PCDHGB2: variants seen among roughly 807,000 people sequenced by gnomAD.
The protein encoded by PCDHGB2 is protocadherin gamma subfamily B, 2.
A neutral mutation model predicts 59.3 loss-of-function variants in PCDHGB2; 55 were observed. The observed-to-expected ratio is 0.93, with a 90% confidence interval of 0.75 to 1.16. The LOEUF (loss-of-function observed/expected upper bound fraction) is 1.16, where lower values mean the gene tolerates loss of function less well. Among genes scored for constraint, PCDHGB2 ranks in the 50% most tolerant of loss-of-function variants. The pLI is 0.00. For synonymous variants in PCDHGB2, 516 were observed against 512.0 expected, an observed-to-expected ratio of 1.01 and a Z score of -0.11; for missense variants, 1,228 against 1,198.5, an observed-to-expected ratio of 1.02 and a Z score of -0.36.
At chr5:141,418,944 C>T in intron 1 of PCDHGB2, 1 of 1,614,026 alleles carries the variant, frequency 6.2e-7, no homozygotes, top group Non-Finnish European at 8.5e-7. Context: ...GATTCCCCTC[C>T]AGGAGTGGTT....
In PCDHGB2 at chr5:141,362,004, G is replaced by T; in HGVS notation, c.1869G>T (p.Thr623=). ...GGCTCTTCAGCCTGGGGTTGCGCAC[G>T]GGTGAGGTGCGCACAGCGCGTGCCT... ...EPGLFSLGLR[T]GEVRTARALG... is the part of the protein sequence containing the mutation. Residue 623 remains threonine, a synonymous_variant, in exon 1 of 4, where the codon ACG becomes ACT. Coordinates refer to ENST00000522605, the MANE Select transcript of PCDHGB2 (RefSeq NM_018923.3). 1 of 1,604,470 alleles carries T rather than the reference G, an allele frequency of 6.2e-7. No individual in the cohort carries two copies. The highest frequency in any genetic ancestry group is 1.1e-5 in the South Asian group (1 of 90,796).
Position 141,360,265 on chromosome 5 carries a change from A to C in PCDHGB2, c.130A>C (p.Asn44His). 1 of 1,613,874 alleles carries C rather than the reference A, an allele frequency of 6.2e-7. No individual in the cohort carries two copies. The highest frequency in any genetic ancestry group is 8.5e-7 in the Non-Finnish European group (1 of 1,179,868). ...RYSIPEELAK[N>H]SVVGNLAKDL... ...TTCAATTCCAGAGGAGCTGGCCAAA[A>C]ACTCGGTCGTAGGAAACCTCGCCAA... The change falls in exon 1 of 4, where the codon AAC becomes CAC. Residue 44 changes from asparagine to histidine, a missense_variant. Asn to His is a moderately conservative substitution (Grantham distance 68). Around this residue, in one of 3 missense-constraint regions of PCDHGB2, gnomAD observed 781 missense variants for 721.6 expected, o/e 1.08. Transcript: ENST00000522605.
At chr5:141,446,098 A>G (rs375135134) in intron 1 of PCDHGB2, among the ~76,000 whole-genome samples, 2 of 152,350 alleles carry the variant, frequency 1.3e-5, no homozygotes, top group African/African-American at 4.8e-5. Flanking sequence ...TGGATGAATT[A>G]TAGATATATT....
rs775270875 is a variant in PCDHGB2 at position 141,410,577 on chromosome 5, A to G, written c.2421+48021A>G. ...TCTCCTGGAGCCTTAATTCCACCTCATGGTGGGGAGGATTTGACTTCACAT... is the reference window on the plus strand; with the variant it reads ...TCTCCTGGAGCCTTAATTCCACCTCGTGGTGGGGAGGATTTGACTTCACAT... On this transcript the variant is annotated intron_variant, in intron 1 of 3. Coordinates refer to ENST00000522605, the MANE Select transcript of PCDHGB2 (RefSeq NM_018923.3). 4 of 1,610,116 alleles carry G rather than the reference A, an allele frequency of 2.5e-6. No homozygotes were observed. In the Admixed American group the frequency reaches 5.0e-5, roughly 20 times the overall value.
At chr5:141,430,818 T>G (rs1240970813) in intron 1 of PCDHGB2, 2 of 1,540,582 alleles carry the variant, frequency 1.3e-6, no homozygotes, top group Non-Finnish European at 1.7e-6. Flanking sequence ...GGAATCCTCC[T>G]GGGGACTCTG....
intron 1 of PCDHGB2, chr5:141,442,107 C>A: frequency 6.0e-6 from 1 of 166,198 alleles, no homozygotes; most frequent in Non-Finnish European, 1.3e-5. Flanking sequence ...CCACCACTAC[C>A]GCCCCTCGTC....
chr5:141,402,098 C>G (rs2094224797), intron 1 of PCDHGB2, among the ~76,000 whole-genome samples: 1 of 152,048 alleles, frequency 6.6e-6, no homozygotes, highest in Non-Finnish European at 1.5e-5. Context: ...AAAGTTTAAG[C>G]AATTACAAAA....
chr5:141,361,426 C>T lies in PCDHGB2; in HGVS notation c.1291C>T (p.Pro431Ser), dbSNP rs763880650. 8.7e-6 allele frequency: 14 copies of T among 1,614,034 alleles called. No individual in the cohort carries two copies. The Admixed American group carries it at 2.3e-4, about 27-fold the overall frequency. The stretch of plus-strand genomic sequence containing the variant: ...CACAGCCACCGACGGGGGCAAGCCG[C>T]CCCTCTCCTCCAGCATAATTGTCAC... ...TITATDGGKP[P>S]LSSSIIVTLH... Residue 431 changes from proline (P) to serine (S), a missense_variant, in exon 1 of 4, where the codon CCC becomes TCC. Pro to Ser is a moderately conservative substitution (Grantham distance 74, BLOSUM62 -1). Around this residue, in one of 3 missense-constraint regions of PCDHGB2, gnomAD observed 781 missense variants for 721.6 expected, o/e 1.08. Transcript: ENST00000522605.
At chr5:141,509,106 A>T (rs1159119530) in intron 3 of PCDHGB2, among the ~76,000 whole-genome samples, 1 of 152,102 alleles carries the variant, frequency 6.6e-6, no homozygotes, top group Non-Finnish European at 1.5e-5. Flanking sequence ...TAGAAACCTG[A>T]GCGCTGGTGC....
chr5:141,372,816 T>C lies in PCDHGB2; in HGVS notation c.2421+10260T>C, dbSNP rs1480093678. The C allele has an allele frequency of 3.2e-6, 5 of 1,580,556 alleles. No homozygotes were observed. In the Admixed American group the frequency reaches 9.1e-5, roughly 29 times the overall value. On this transcript the variant is annotated intron_variant, in intron 1 of 3. Transcript: ENST00000522605. ...TTCAGGCAATTTGCAAAAGGTGAGTTTCTTCAAACCTTTCCTTCCATAAAT... is the reference window on the plus strand; with the variant it reads ...TTCAGGCAATTTGCAAAAGGTGAGTCTCTTCAAACCTTTCCTTCCATAAAT...
In PCDHGB2 at chr5:141,477,247, T is replaced by C; in HGVS notation, c.2422-17560T>C. On this transcript the variant is annotated intron_variant, in intron 1 of 3. Transcript: ENST00000522605. This position sits in a 1 kb window ranked among gnomAD's most constrained non-coding sequence, Gnocchi z 4.9. ...CTGTCATCGCTTTGCTCAGTGTGAC[T>C]GACCTGGATGCTGGCGAGAACGGGC... The C allele has an allele frequency of 6.2e-7, 1 of 1,614,208 alleles. No individual in the cohort carries two copies. Among genetic ancestry groups the C allele is most frequent in the Non-Finnish European group, 8.5e-7 (1 of 1,180,040 alleles).
chr5:141,497,730 G>T (rs13182286), intron 2 of PCDHGB2, among the ~76,000 whole-genome samples: 247 of 152,136 alleles, frequency 1.6e-3, no homozygotes, highest in Non-Finnish European at 2.8e-3. Flanking sequence ...AGTAGAGATG[G>T]GTTTCGCCAC....
chr5:141,403,875 A>G (rs1311532081), intron 1 of PCDHGB2: 1 of 1,613,816 alleles, frequency 6.2e-7, no homozygotes, highest in South Asian at 1.1e-5. Context: ...AAAAGTCTAG[A>G]TTATGAAGAA....
intron 1 of PCDHGB2, chr5:141,388,812 G>C (rs775037681): frequency 6.2e-7 from 1 of 1,613,934 alleles, no homozygotes. Flanking sequence ...TTTTGAAGAA[G>C]TCAAAGAATA....
In PCDHGB2 at chr5:141,409,316, C is replaced by T. The variant is rs114361948; in HGVS notation, c.2421+46760C>T. 56 of 1,613,968 alleles carry T rather than the reference C, an allele frequency of 3.5e-5. No individual in the cohort carries two copies. The African/African-American group carries it at 6.5e-4, about 19-fold the overall frequency. On this transcript the variant is annotated intron_variant, in intron 1 of 3. Transcript: ENST00000522605. ...AATGGTTGTTGCCCTCTTCAAAACA[C>T]GGGATCTGGATTTCGGAGGAAATGG...
chr5:141,447,650 TC>T (rs1036312126), intron 1 of PCDHGB2, among the ~76,000 whole-genome samples: 1 of 151,988 alleles, frequency 6.6e-6, no homozygotes, highest in Non-Finnish European at 1.5e-5. Context: ...GGTAGAATTT[TC>T]CCCCCCAGGA....
intron 1 of PCDHGB2, chr5:141,413,905 C>G: frequency 6.2e-7 from 1 of 1,613,338 alleles, no homozygotes; most frequent in Non-Finnish European, 8.5e-7. Context: ...TGACAACGCG[C>G]CGGTCTTCAC....
At chr5:141,443,029 C>T (rs1281303741) in intron 1 of PCDHGB2, among the ~76,000 whole-genome samples, 3 of 152,192 alleles carry the variant, frequency 2.0e-5, no homozygotes, top group Non-Finnish European at 2.9e-5. Flanking sequence ...AGTTGCCAGA[C>T]CTAAACTTTG....
Position 141,361,631 on chromosome 5 carries a change from G to A in PCDHGB2, c.1496G>A (p.Arg499Gln). The A allele has an allele frequency of 6.2e-7, 1 of 1,613,902 alleles. No homozygotes were observed. Among genetic ancestry groups the A allele is most frequent in the Non-Finnish European group, 8.5e-7 (1 of 1,179,896 alleles). The change falls in exon 1 of 4, where the codon CGG becomes CAG. Residue 499 changes from arginine (R) to glutamine (Q), a missense_variant. Physicochemically the swap from Arg to Gln is conservative, Grantham distance 43. Coordinates refer to ENST00000522605, the MANE Select transcript of PCDHGB2 (RefSeq NM_018923.3). The part of the protein sequence containing the change: ...YSIVASDLKP[R>Q]EILSYVSVSA... The stretch of plus-strand genomic sequence containing the variant: ...ATCGTAGCGAGCGACCTGAAGCCGC[G>A]GGAGATTTTATCCTACGTGTCCGTG...
Sources: allele counts gnomAD v4.1 joint callset (sites outside exome capture counted in the v4.1 genomes callset), GRCh38; gene constraint gnomAD v4.1.1; regional missense constraint gnomAD v4.1.1; non-coding constraint Gnocchi (gnomAD v3.1); transcripts MANE v1.5; gene names NCBI Gene and HGNC (gene_info 2026-07-23, HGNC 2026-07-21).